Variants in SIGLEC15 observed in about 807,000 individuals in gnomAD.
SIGLEC15 encodes the protein sialic acid-binding Ig-like lectin 15.
A neutral mutation model predicts 26.2 loss-of-function variants in SIGLEC15; 31 were observed. The ratio of observed to expected loss-of-function variants is 1.18; its 90% CI spans 0.89 to 1.60. The LOEUF is 1.60. Among genes scored for constraint, SIGLEC15 ranks in the 40% most tolerant of loss-of-function variants. SIGLEC15 has a pLI of 0.00. For missense variants in SIGLEC15, 501 were observed against 488.4 expected, an observed-to-expected ratio of 1.03 and a Z score of -0.24; for synonymous variants, 207 against 221.9, an observed-to-expected ratio of 0.93 and a Z score of 0.60.
intron 1 of SIGLEC15, among the ~76,000 whole-genome samples, chr18:45,827,937 G>C (rs1009839882): frequency 6.6e-6 from 1 of 152,244 alleles, no homozygotes; most frequent in Non-Finnish European, 1.5e-5. Context: ...AGATTACTGA[G>C]TGCAGCCAAG....
chr18:45,835,036 A>C (rs1422152359), intron 1 of SIGLEC15, among the ~76,000 whole-genome samples: 1 of 152,212 alleles, frequency 6.6e-6, no homozygotes, highest in East Asian at 1.9e-4. Context: ...ATAAAATGTT[A>C]GGTCCTCCAC....
rs1050061866 is a variant in SIGLEC15, at chr18:45,829,231, G to A, written c.52+3451G>A. ...CACAGTCAGCCTGCGGCAGAGGCAT[G>A]GGTTAAAGGGGAAGCCAGATAACCC... On this transcript the variant is annotated intron_variant, in intron 1 of 5. Coordinates refer to ENST00000389474, the MANE Select transcript of SIGLEC15 (RefSeq NM_213602.3). 51 of 857,994 alleles carry A rather than the reference G, an allele frequency of 5.9e-5. No individual in the cohort carries two copies. The African/African-American group carries it at 8.6e-4, about 14-fold the overall frequency. 53.1% of individuals were successfully genotyped at this position (857,994 alleles called of 1,614,324 possible). A position where few individuals can be genotyped will look rare whatever the true frequency, so the allele number is the denominator to read the frequency against.
intron 5 of SIGLEC15, chr18:45,841,118 C>G (rs2048321444): frequency 6.6e-6 from 1 of 152,306 alleles, no homozygotes; most frequent in Non-Finnish European, 1.5e-5. Flanking sequence ...AAAGTAAGAG[C>G]TGTGAAGGAA....
Position 45,839,089 on chromosome 18 carries a change from C to A in SIGLEC15, c.868C>A (p.Arg290Ser), listed in dbSNP as rs747989378. 8 of 1,407,710 alleles carry A rather than the reference C, an allele frequency of 5.7e-6. No individual in the cohort carries two copies. Among genetic ancestry groups the A allele is most frequent in the Non-Finnish European group, 7.3e-6 (8 of 1,093,212 alleles). 87.2% of individuals were successfully genotyped at this position (1,407,710 alleles called of 1,614,324 possible). The change falls in exon 4 of 6, where the codon CGC becomes AGC. Residue 290 changes from arginine to serine, a missense_variant. Coordinates refer to ENST00000389474, the MANE Select transcript of SIGLEC15 (RefSeq NM_213602.3). ...CCTGGCCGCCCGCGCTGCCCGCCGCCGCCCAGGTGGGTGCGCCCCAGACAC... is the reference window on the plus strand; with the variant it reads ...CCTGGCCGCCCGCGCTGCCCGCCGCAGCCCAGGTGGGTGCGCCCCAGACAC... ...GVLAARAARR[R>S]PEHLDTPDTP...
At chr18:45,831,464 T>C (rs188281343) in intron 1 of SIGLEC15, among the ~76,000 whole-genome samples, 93 of 152,314 alleles carry the variant, frequency 6.1e-4, no homozygotes, top group Admixed American at 1.3e-3. Context: ...ATAAGTGTGT[T>C]AGAATTGTGC....
chr18:45,829,031 A>G (rs1418739695), intron 1 of SIGLEC15: 2 of 932,886 alleles, frequency 2.1e-6, no homozygotes, highest in Non-Finnish European at 2.6e-6. Context: ...GAAGGGGAGG[A>G]GTGAAGGGAG....
chr18:45,838,718 C>A lies in SIGLEC15; in HGVS notation c.497C>A (p.Ala166Asp). ...SRHGVRLHVT[A>D]APRIVNISVL... ...CAGTCACCCGCCTTCTCCCCTGCAG[C>A]CGCGCCGCGGATCGTCAACATCTCG... Residue 166 changes from alanine to aspartate, a missense_variant and splice_region_variant, in exon 4 of 6, where the codon GCC becomes GAC. Ala to Asp is a moderately radical substitution (Grantham distance 126). Coordinates refer to ENST00000389474, the MANE Select transcript of SIGLEC15 (RefSeq NM_213602.3). 3.8e-6 allele frequency: 6 copies of A among 1,571,804 alleles called. No individual in the cohort carries two copies. Among genetic ancestry groups the A allele is most frequent in the Non-Finnish European group, 5.1e-6 (6 of 1,168,276 alleles).
At chr18:45,841,403 G>A (rs1262796633) in intron 5 of SIGLEC15, among the ~76,000 whole-genome samples, 5 of 152,172 alleles carry the variant, frequency 3.3e-5, no homozygotes, top group South Asian at 2.1e-4. Context: ...GAGGGTGGAC[G>A]GGAGGAAGGC....
At position 45,837,069 on chromosome 18, in the gene SIGLEC15, G is replaced by C. The variant is rs2048281404; in HGVS notation, c.93G>C (p.Leu31Phe). The change falls in exon 2 of 6, where the codon TTG (leucine) becomes TTC (phenylalanine). Residue 31 changes from leucine to phenylalanine, a missense_variant. Physicochemically the swap from Leu to Phe is conservative, Grantham distance 22 (BLOSUM62 0). Coordinates refer to ENST00000389474, the MANE Select transcript of SIGLEC15 (RefSeq NM_213602.3). The part of the protein sequence containing the change: ...VRTKIDTTEN[L>F]LNTEVHSSPA... ...CTAAAATAGATACTACGGAGAACTT[G>C]CTCAACACAGAGGTGCACAGTAAGT... The C allele has an allele frequency of 1.2e-6, 2 of 1,601,300 alleles. No individual in the cohort carries two copies. Among genetic ancestry groups the C allele is most frequent in the Non-Finnish European group, 1.7e-6 (2 of 1,168,604 alleles).
rs1200142758 is a variant in SIGLEC15 at position 45,838,739 on chromosome 18, T to A, written c.518T>A (p.Ile173Asn). 6.3e-7 allele frequency: 1 copy of A among 1,579,944 alleles called. No homozygotes were observed. The highest frequency in any genetic ancestry group is 1.1e-5 in the South Asian group (1 of 88,272). ...HVTAAPRIVN[I>N]SVLPSPAHAF... ...GCAGCCGCGCCGCGGATCGTCAACATCTCGGTGCTGCCCAGTCCGGCTCAC... is the reference window on the plus strand; with the variant it reads ...GCAGCCGCGCCGCGGATCGTCAACAACTCGGTGCTGCCCAGTCCGGCTCAC... The change falls in exon 4 of 6, where the codon ATC becomes AAC. Residue 173 changes from isoleucine (I) to asparagine (N), a missense_variant. By Grantham distance (149) the Ile-to-Asn change is moderately radical (BLOSUM62 -3). Transcript: ENST00000389474.
rs536249671 is a variant in SIGLEC15, at chr18:45,827,804, T to A, written c.52+2024T>A. ...GGATTTTAGGTTTAGGGTGATTTCT[T>A]TTTTTCTCTCCTGTTACGGGTCAGC... On this transcript the variant is annotated intron_variant, in intron 1 of 5. Coordinates refer to ENST00000389474, the MANE Select transcript of SIGLEC15 (RefSeq NM_213602.3). Among the ~76,000 whole-genome samples the A allele has an allele frequency of 2.0e-5, 3 of 152,260 alleles. No individual in the cohort carries two copies. The South Asian group carries it at 6.2e-4, about 32-fold the overall frequency.
In SIGLEC15 at chr18:45,825,760, T is replaced by G. The variant is rs139939061; in HGVS notation, c.32T>G (p.Leu11Trp). MEKSIWLLAC[L>W]AWVLPTGSFV... ...AAGTCCATCTGGCTGCTGGCCTGCTTGGCGTGGGTTCTCCCGACAGGTGAG... is the reference window on the plus strand; with the variant it reads ...AAGTCCATCTGGCTGCTGGCCTGCTGGGCGTGGGTTCTCCCGACAGGTGAG... The change falls in exon 1 of 6, where the codon TTG (leucine) becomes TGG (tryptophan). Residue 11 changes from leucine to tryptophan, a missense_variant. Physicochemically the swap from Leu to Trp is moderately conservative, Grantham distance 61. Transcript: ENST00000389474. 473 of 1,614,246 alleles carry G rather than the reference T, an allele frequency of 2.9e-4. 4 individuals are homozygous for G. In the East Asian group the frequency reaches 9.8e-3, roughly 34 times the overall value.
chr18:45,837,571 C>A lies in SIGLEC15; in HGVS notation c.171C>A (p.Gly57=). 6.6e-7 allele frequency: 1 copy of A among 1,515,674 alleles called. No homozygotes were observed. The highest frequency in any genetic ancestry group is 2.0e-5 in the Admixed American group (1 of 49,388). 93.9% of individuals were successfully genotyped at this position (1,515,674 alleles called of 1,614,324 possible). A position where few individuals can be genotyped will look rare whatever the true frequency, so the allele number is the denominator to read the frequency against. ...QVPPEVSAEA[G]DAAVLPCTFT... is the part of the protein sequence containing the mutation. ...CACCCGAGGTGAGCGCGGAGGCAGG[C>A]GACGCGGCAGTGCTGCCCTGCACCT... The change falls in exon 3 of 6, where the codon GGC becomes GGA. Residue 57 remains glycine (G), a synonymous_variant. Coordinates refer to ENST00000389474, the MANE Select transcript of SIGLEC15 (RefSeq NM_213602.3).
chr18:45,839,665 G>A (rs771372868), intron 4 of SIGLEC15, among the ~76,000 whole-genome samples: 2 of 152,138 alleles, frequency 1.3e-5, no homozygotes, highest in East Asian at 3.9e-4. Context: ...CGTGCTGGGA[G>A]AGCTAAATAA....
chr18:45,837,298 G>C (rs185355595), intron 2 of SIGLEC15, among the ~76,000 whole-genome samples: 1 of 152,222 alleles, frequency 6.6e-6, no homozygotes, highest in South Asian at 2.1e-4. Flanking sequence ...CAAGTCGAGG[G>C]AGTGCAGGCC....
chr18:45,830,225 T>C (rs569048942), intron 1 of SIGLEC15, among the ~76,000 whole-genome samples: 1 of 152,332 alleles, frequency 6.6e-6, no homozygotes, highest in South Asian at 2.1e-4. Context: ...AAACCAAGGT[T>C]TCTGTTTCTG....
At chr18:45,840,643 A>T (rs916920915) in intron 5 of SIGLEC15, among the ~76,000 whole-genome samples, 6 of 152,226 alleles carry the variant, frequency 3.9e-5, no homozygotes, top group Admixed American at 3.3e-4. Flanking sequence ...GACCCCTAGG[A>T]AATCACTGAC....
At chr18:45,830,037 CCA>C (rs1283423619) in intron 1 of SIGLEC15, among the ~76,000 whole-genome samples, 1 of 152,184 alleles carries the variant, frequency 6.6e-6, no homozygotes, top group African/African-American at 2.4e-5. Context: ...AGTAAAACAT[CCA>C]CAGAGAGCAA....
Position 45,842,641 on chromosome 18 carries a change from C to T in SIGLEC15, c.*454C>T, listed in dbSNP as rs1245301547. 3 of 166,490 alleles carry T rather than the reference C, an allele frequency of 1.8e-5. No individual in the cohort carries two copies. Among genetic ancestry groups the T allele is most frequent in the Non-Finnish European group, 3.9e-5 (3 of 76,184 alleles). The allele number at this position is 166,490 out of a possible 1,614,324, so 10.3% of individuals were successfully genotyped here. ...GGACACTCTCTTCACTTCTCTGGGT[C>T]TCAATTCATTTACTGTTGAACACGG... On this transcript the variant is annotated 3_prime_UTR_variant, in exon 6 of 6. Coordinates refer to ENST00000389474, the MANE Select transcript of SIGLEC15 (RefSeq NM_213602.3).
Sources: allele counts gnomAD v4.1 joint callset (sites outside exome capture counted in the v4.1 genomes callset), GRCh38; gene constraint gnomAD v4.1.1; transcripts MANE v1.5; gene names NCBI Gene and HGNC (gene_info 2026-07-23, HGNC 2026-07-21).